Variants in NPLOC4 observed in about 807,000 individuals in gnomAD.
NPLOC4 encodes NPL4 homolog, ubiquitin recognition factor, also known as nuclear protein localization protein 4 homolog.
NPLOC4 carries 18 observed loss-of-function variants against 80.6 expected under a neutral mutation model. The observed-to-expected ratio is 0.22, with a 90% CI of 0.15 to 0.33. The LOEUF is 0.33. Among genes scored for constraint, NPLOC4 ranks in the 10% least tolerant of loss-of-function variants. The probability of loss-of-function intolerance (pLI) is 1.00; values close to 1 mark genes in which losing one functional copy is unlikely to be tolerated. For missense variants in NPLOC4, 540 were observed against 786.1 expected (o/e 0.69, Z 3.74); for synonymous variants, 313 against 301.5 (o/e 1.04, Z -0.39).
At chr17:81,593,365 C>G (rs1415660954) in intron 11 of NPLOC4, among the ~76,000 whole-genome samples, 1 of 152,080 alleles carries the variant, frequency 6.6e-6, no homozygotes, top group Non-Finnish European at 1.5e-5. Flanking sequence ...CTTGCCCACA[C>G]AGGCCAGTAC....
chr17:81,622,142 GCTTC>G lies in NPLOC4; in HGVS notation c.209+20_209+23del. 6.4e-7 allele frequency: 1 copy of G among 1,558,622 alleles called. No homozygotes were observed. ...GGGACCTCATTTCCCCCCATTCCCT[GCTTC>G]CTCCTCAGAGGACACTTACTTGATT... On this transcript the variant is annotated intron_variant, in intron 3 of 16. Transcript: ENST00000331134.
intron 12 of NPLOC4, among the ~76,000 whole-genome samples, chr17:81,585,761 C>T (rs946445541): frequency 6.6e-6 from 1 of 151,382 alleles, no homozygotes; most frequent in Non-Finnish European, 1.5e-5. Context: ...CTGAGGCAGG[C>T]AGATTGCTTG....
chr17:81,626,422 C>G lies in NPLOC4; in HGVS notation c.96+3303G>C, dbSNP rs149883823. 2.8e-4 allele frequency among the ~76,000 whole-genome samples: 42 copies of G among 152,202 alleles called. 2 individuals are homozygous for G. The East Asian group carries it at 7.7e-3, about 28-fold the overall frequency. On this transcript the variant is annotated intron_variant, in intron 2 of 16. Coordinates refer to ENST00000331134, the MANE Select transcript of NPLOC4 (RefSeq NM_017921.4). ...CATCAAATAGCAACTCCAGGAAGTTCAGCAAACTCTCTCAAGTTAAGATAC... is the reference window on the plus strand; with the variant it reads ...CATCAAATAGCAACTCCAGGAAGTTGAGCAAACTCTCTCAAGTTAAGATAC...
intron 8 of NPLOC4, among the ~76,000 whole-genome samples, chr17:81,603,171 G>A (rs1232659174): frequency 1.3e-5 from 2 of 151,902 alleles, no homozygotes; most frequent in Admixed American, 1.3e-4. Flanking sequence ...GTGAGACGCT[G>A]TCTCAAAAAG....
intron 1 of NPLOC4, among the ~76,000 whole-genome samples, chr17:81,631,410 A>G (rs1396998028): frequency 7.5e-6 from 1 of 132,578 alleles, no homozygotes; most frequent in Non-Finnish European, 1.6e-5. Context: ...ATATATGCAT[A>G]TTAAAGTGTA....
chr17:81,564,884 G>A (rs1028914941), intron 16 of NPLOC4: 12 of 184,008 alleles, frequency 6.5e-5, no homozygotes, highest in South Asian at 1.1e-4. Context: ...GTCCAGGGCC[G>A]TAGCTCCCGG....
chr17:81,559,516 G>T, intron 16 of NPLOC4, 100 bp from the exon 17 acceptor site: 1 of 1,325,034 alleles, frequency 7.5e-7, no homozygotes, highest in Non-Finnish European at 1.0e-6. Context: ...AGAGCTCCCC[G>T]CCCCCAACAT....
Position 81,558,939 on chromosome 17 carries a change from C to T in NPLOC4, c.*320G>A, listed in dbSNP as rs142574213. ...GCAGCATCGGCCCCTCCCTGTGCGCCCCAATTCCAGGTGCCACGTAGAGGC... is the reference window on the plus strand; with the variant it reads ...GCAGCATCGGCCCCTCCCTGTGCGCTCCAATTCCAGGTGCCACGTAGAGGC... On this transcript the variant is annotated 3_prime_UTR_variant, in exon 17 of 17. Transcript: ENST00000331134. The T allele has an allele frequency of 6.3e-4, 157 of 247,996 alleles. No individual in the cohort carries two copies. The highest frequency in any genetic ancestry group is 2.5e-3 in the African/African-American group (113 of 44,844). 15.4% of individuals were successfully genotyped at this position (247,996 alleles called of 1,614,324 possible). A position where few individuals can be genotyped will look rare whatever the true frequency, so the allele number is the denominator to read the frequency against.
At chr17:81,593,178 AACAG>A (rs1015084490) in intron 11 of NPLOC4, among the ~76,000 whole-genome samples, 9 of 152,040 alleles carry the variant, frequency 5.9e-5, no homozygotes, top group African/African-American at 1.2e-4. Flanking sequence ...ATAGCCACAA[AACAG>A]ACAGGCACAG....
chr17:81,567,548 A>T lies in NPLOC4; in HGVS notation c.1450-15T>A. The stretch of plus-strand genomic sequence containing the variant: ...CTATGGAAGTCCTAGAGGAATGGGA[A>T]TAAACATGAATGTTCCATACAGTTC... On this transcript the variant is annotated splice_polypyrimidine_tract_variant and intron_variant, in intron 14 of 16. Coordinates refer to ENST00000331134, the MANE Select transcript of NPLOC4 (RefSeq NM_017921.4). This position sits in a 1 kb window ranked among gnomAD's most constrained non-coding sequence, Gnocchi z 4.5. 6.7e-7 allele frequency: 1 copy of T among 1,487,404 alleles called. No homozygotes were observed. The allele number at this position is 1,487,404 out of a possible 1,614,324, so 92.1% of individuals were successfully genotyped here.
At position 81,589,093 on chromosome 17, in the gene NPLOC4, T is replaced by C; in HGVS notation, c.1132A>G (p.Asn378Asp). The C allele has an allele frequency of 6.2e-7, 1 of 1,612,888 alleles. No individual in the cohort carries two copies. The highest frequency in any genetic ancestry group is 8.5e-7 in the Non-Finnish European group (1 of 1,179,330). The stretch of plus-strand genomic sequence containing the variant: ...TGGTACCCTTCAAAGTGGACTTGGT[T>C]GTCAGGACCACCTGCAAGAGAGAGA... Reference protein sequence around the residue: ...VTAVATGGPDNQVHFEGYQVS... With the variant: ...VTAVATGGPDDQVHFEGYQVS... Residue 378 changes from asparagine (N) to aspartate (D), a missense_variant, in exon 12 of 17, where the codon AAC becomes GAC. Physicochemically the swap from Asn to Asp is conservative, Grantham distance 23 (BLOSUM62 1). Coordinates refer to ENST00000331134, the MANE Select transcript of NPLOC4 (RefSeq NM_017921.4).
At position 81,637,019 on chromosome 17, in the gene NPLOC4, C is replaced by G. The variant is rs888671471; in HGVS notation, c.-89G>C. 1 of 836,790 alleles carries G rather than the reference C, an allele frequency of 1.2e-6. No homozygotes were observed. Among genetic ancestry groups the G allele is most frequent in the Non-Finnish European group, 1.6e-6 (1 of 640,880 alleles). 51.8% of individuals were successfully genotyped at this position (836,790 alleles called of 1,614,324 possible). A position where few individuals can be genotyped will look rare whatever the true frequency, so the allele number is the denominator to read the frequency against. On this transcript the variant is annotated 5_prime_UTR_variant, in exon 1 of 17. Coordinates refer to ENST00000331134, the MANE Select transcript of NPLOC4 (RefSeq NM_017921.4). ...CGCAGACCCGGCCGCGGCCTCAGCC[C>G]CGGCCCCGGCCTCCCTACGCCGCCG...
Position 81,567,552 on chromosome 17 carries a change from A to C in NPLOC4, c.1450-19T>G. 6.8e-7 allele frequency: 1 copy of C among 1,475,468 alleles called. No individual in the cohort carries two copies. The highest frequency in any genetic ancestry group is 1.2e-5 in the South Asian group (1 of 86,396). 91.4% of individuals were successfully genotyped at this position (1,475,468 alleles called of 1,614,324 possible). On this transcript the variant is annotated intron_variant, in intron 14 of 16. Coordinates refer to ENST00000331134, the MANE Select transcript of NPLOC4 (RefSeq NM_017921.4). The surrounding 1 kb of genome is among the most constrained non-coding windows in gnomAD (Gnocchi z 4.5). ...GGAAGTCCTAGAGGAATGGGAATAA[A>C]CATGAATGTTCCATACAGTTCCCCA...
intron 11 of NPLOC4, among the ~76,000 whole-genome samples, chr17:81,591,479 CT>C (rs2034743690): frequency 7.3e-6 from 1 of 136,930 alleles, no homozygotes; most frequent in South Asian, 2.3e-4. Flanking sequence ...AAAACCTGCT[CT>C]GGTGTTTAGA....
intron 16 of NPLOC4, chr17:81,562,903 A>G (rs947006629): frequency 1.3e-5 from 2 of 151,618 alleles, no homozygotes; most frequent in Non-Finnish European, 1.5e-5. Flanking sequence ...ATGCCACTGC[A>G]CTTCAGCCTG....
In NPLOC4 at chr17:81,591,949, GT is replaced by G. The variant is rs762407260; in HGVS notation, c.1121-2846del. The stretch of plus-strand genomic sequence containing the variant: ...AGGACACAGATGCCCAGCCCAGTGT[GT>G]GGGGTAAGTTCTACACTGCACTGTC... On this transcript the variant is annotated intron_variant, in intron 11 of 16. Transcript: ENST00000331134. 3.9e-3 allele frequency among the ~76,000 whole-genome samples: 587 copies of G among 152,310 alleles called. 3 individuals are homozygous for G. The highest frequency in any genetic ancestry group is 7.0e-3 in the Non-Finnish European group (479 of 68,032).
At chr17:81,617,228 T>C (rs1262083420) in intron 3 of NPLOC4, among the ~76,000 whole-genome samples, 5 of 152,172 alleles carry the variant, frequency 3.3e-5, no homozygotes, top group Non-Finnish European at 7.3e-5. Flanking sequence ...CTGTGAGTAC[T>C]TGAAGCCAAC....
intron 3 of NPLOC4, chr17:81,614,203 G>C (rs1215765780): frequency 1.3e-5 from 2 of 149,770 alleles, no homozygotes; most frequent in Non-Finnish European, 2.9e-5. Context: ...CTTGAACCCA[G>C]GAGGCGGAGG....
At chr17:81,609,720 G>A (rs892018820) in intron 5 of NPLOC4, among the ~76,000 whole-genome samples, 1 of 152,182 alleles carries the variant, frequency 6.6e-6, no homozygotes, top group African/African-American at 2.4e-5. Context: ...AAAAAGAAAT[G>A]CCACAAGATG....
Sources: gnomAD v4.1 joint callset for allele counts (sites outside exome capture counted in the v4.1 genomes callset) on GRCh38, gnomAD v4.1.1 for gene constraint, Gnocchi (gnomAD v3.1) non-coding constraint, MANE v1.5 for transcripts, NCBI Gene and HGNC (gene_info 2026-07-23, HGNC 2026-07-21) for gene names.